The following ANTXR2 variants were observed in gnomAD, a reference collection of about 807,000 sequenced individuals.
ANTXR2 encodes the protein ANTXR cell adhesion molecule 2, also known as anthrax toxin receptor 2.
In ANTXR2, 44 loss-of-function variants were observed where a neutral mutation model predicts 73.7. The observed-to-expected ratio is 0.60, with a 90% CI of 0.47 to 0.77. The LOEUF (loss-of-function observed/expected upper bound fraction) is 0.77. Ranked by LOEUF, ANTXR2 falls within the 30% of genes least tolerant of loss-of-function variation. The pLI is 0.00. For missense variants in ANTXR2, 604 were observed against 592.5 expected, an observed-to-expected ratio of 1.02 and a Z score of -0.20; for synonymous variants, 217 against 205.9, an observed-to-expected ratio of 1.05 and a Z score of -0.46.
At chr4:79,977,588 T>A in intron 16 of ANTXR2, 33 bp downstream of exon 16, 1 of 1,556,446 alleles carries the variant, frequency 6.4e-7, no homozygotes, top group Non-Finnish European at 8.7e-7. Context: ...CTCAAGCAGT[T>A]AGCTCTTTCT....
intron 12 of ANTXR2, among the ~76,000 whole-genome samples, chr4:80,008,320 G>A (rs1248329831): frequency 6.6e-6 from 1 of 152,040 alleles, no homozygotes; most frequent in Non-Finnish European, 1.5e-5. Context: ...TGATTTAAAA[G>A]TGCTTTTTAG....
intron 12 of ANTXR2, among the ~76,000 whole-genome samples, chr4:79,987,908 C>T (rs1166418160): frequency 1.3e-5 from 2 of 152,022 alleles, no homozygotes; most frequent in African/African-American, 2.4e-5. Context: ...CATTTTCAAA[C>T]AAGCAAATGC....
chr4:79,934,144 T>C (rs1728168823), intron 16 of ANTXR2, among the ~76,000 whole-genome samples: 2 of 152,070 alleles, frequency 1.3e-5, no homozygotes, highest in South Asian at 2.1e-4. Flanking sequence ...AGCAATAAAA[T>C]AGAGTTTCTG....
In ANTXR2 at chr4:80,008,576, A is replaced by G. The variant is rs137852903; in HGVS notation, c.986T>C (p.Leu329Pro). Residue 329 changes from leucine to proline, a missense_variant, in exon 12 of 17, where the codon CTG (leucine) becomes CCG (proline). Physicochemically the swap from Leu to Pro is moderately conservative, Grantham distance 98. Transcript: ENST00000403729. Reference protein sequence around the residue: ...IAAIIVILVLLLLLGIGLMWW... With the variant: ...IAAIIVILVLPLLLGIGLMWW... ...CATCAAACCGATCCCCAGGAGTAGC[A>G]GTAACACCAAAATAACAATGATGGC... 1.1e-5 allele frequency: 18 copies of G among 1,607,204 alleles called. No individual in the cohort carries two copies. The highest frequency in any genetic ancestry group is 1.5e-5 in the Non-Finnish European group (18 of 1,177,592).
At chr4:79,998,275 T>C (rs901287397) in intron 12 of ANTXR2, among the ~76,000 whole-genome samples, 5 of 152,034 alleles carry the variant, frequency 3.3e-5, no homozygotes, top group Admixed American at 3.3e-4. Flanking sequence ...GAGATCTTTA[T>C]GTAACGTCTT....
intron 10 of ANTXR2, among the ~76,000 whole-genome samples, chr4:80,031,264 ATGCACACACATGTGTG>A: frequency 1.6e-5 from 1 of 61,468 alleles, no homozygotes; most frequent in Admixed American, 2.5e-4. Context: ...GGGTGTGTGC[ATGCACACACATGTGTG>A]TGCGTGTGCA....
intron 16 of ANTXR2, among the ~76,000 whole-genome samples, chr4:79,927,445 T>C (rs898728073): frequency 2.0e-5 from 3 of 152,122 alleles, no homozygotes; most frequent in African/African-American, 7.2e-5. Context: ...CTGGCAGATA[T>C]CAAAATCTGC....
At chr4:80,054,391 G>A in intron 6 of ANTXR2, 39 bp from the exon 7 acceptor site, 1 of 1,373,882 alleles carries the variant, frequency 7.3e-7, no homozygotes, top group Non-Finnish European at 1.0e-6. Context: ...AGGAGTGGCT[G>A]ACACATACAA....
intron 16 of ANTXR2, among the ~76,000 whole-genome samples, chr4:79,934,556 C>T (rs1578096673): frequency 7.0e-6 from 1 of 143,476 alleles, no homozygotes; most frequent in African/African-American, 2.5e-5. Context: ...AAAAAAAAAA[C>T]ACCAAACCTA....
intron 16 of ANTXR2, among the ~76,000 whole-genome samples, chr4:79,909,944 C>T (rs775685574): frequency 6.6e-6 from 1 of 152,134 alleles, no homozygotes; most frequent in Non-Finnish European, 1.5e-5. Flanking sequence ...CACACTACAT[C>T]GTGCCATAAT....
intron 10 of ANTXR2, among the ~76,000 whole-genome samples, chr4:80,022,374 T>G (rs1732206645): frequency 6.6e-6 from 1 of 152,238 alleles, no homozygotes; most frequent in Non-Finnish European, 1.5e-5. Context: ...CATCTGCTTT[T>G]AAACTTTGCT....
At chr4:79,946,881 G>A (rs538644860) in intron 16 of ANTXR2, among the ~76,000 whole-genome samples, 1 of 152,060 alleles carries the variant, frequency 6.6e-6, no homozygotes, top group African/African-American at 2.4e-5. Flanking sequence ...TATGAGCTAA[G>A]GGTACTAATC....
chr4:80,011,323 C>CT (rs1450460900), intron 11 of ANTXR2, among the ~76,000 whole-genome samples: 4 of 150,890 alleles, frequency 2.7e-5, no homozygotes, highest in African/African-American at 9.7e-5. Flanking sequence ...ATCTGTCTAT[C>CT]ATCTATCTAT....
intron 3 of ANTXR2, among the ~76,000 whole-genome samples, chr4:80,060,967 G>T (rs538672409): frequency 6.6e-6 from 1 of 152,252 alleles, no homozygotes; most frequent in African/African-American, 2.4e-5. Context: ...CCTTCACATG[G>T]TTAGCAAGTC....
chr4:80,038,711 G>A lies in ANTXR2; in HGVS notation c.637-2679C>T, dbSNP rs574675444. Among the ~76,000 whole-genome samples the A allele has an allele frequency of 4.0e-5, 6 of 151,608 alleles. No homozygotes were observed. In the East Asian group the frequency reaches 9.7e-4, roughly 24 times the overall value. ...AAGTTTTTCTAAAAATAATATAATTGAATGGAAAAGTGACTCAGGTAACAC... is the reference window on the plus strand; with the variant it reads ...AAGTTTTTCTAAAAATAATATAATTAAATGGAAAAGTGACTCAGGTAACAC... On this transcript the variant is annotated intron_variant, in intron 7 of 16. Coordinates refer to ENST00000403729, the MANE Select transcript of ANTXR2 (RefSeq NM_058172.6).
At chr4:79,977,425 T>C in intron 16 of ANTXR2, 196 bp downstream of exon 16, 2 of 1,145,808 alleles carry the variant, frequency 1.7e-6, no homozygotes, top group East Asian at 2.9e-5. Context: ...GGGAATGGTG[T>C]AAAAATGTAG....
At chr4:80,007,369 G>A (rs568181198) in intron 12 of ANTXR2, among the ~76,000 whole-genome samples, 1 of 152,254 alleles carries the variant, frequency 6.6e-6, no homozygotes, top group East Asian at 1.9e-4. Flanking sequence ...TAGTAGGCAT[G>A]ATTTGGAAGA....
intron 12 of ANTXR2, among the ~76,000 whole-genome samples, chr4:79,989,216 C>G (rs1730347969): frequency 6.6e-6 from 1 of 151,086 alleles, no homozygotes. Context: ...TTGGTTCTTT[C>G]AAAAAATAAA....
At chr4:79,922,323 T>C (rs564714877) in intron 16 of ANTXR2, among the ~76,000 whole-genome samples, 1 of 152,240 alleles carries the variant, frequency 6.6e-6, no homozygotes, top group East Asian at 1.9e-4. Flanking sequence ...TGGCATTTAA[T>C]GGTGATTCCT....
Sources: gnomAD v4.1 joint callset for allele counts (sites outside exome capture counted in the v4.1 genomes callset) on GRCh38, gnomAD v4.1.1 for gene constraint, MANE v1.5 for transcripts, NCBI Gene and HGNC (gene_info 2026-07-23, HGNC 2026-07-21) for gene names.